Variants in CCNJL observed in about 807,000 individuals in gnomAD.
CCNJL encodes the protein cyclin-J-like protein.
A neutral mutation model predicts 33.4 loss-of-function variants in CCNJL; 33 were observed. The observed-to-expected ratio is 0.99, with a 90% CI of 0.75 to 1.32. CCNJL has a LOEUF of 1.32. CCNJL is among the 40% of genes most tolerant of loss of function. The pLI is 0.00. For synonymous variants in CCNJL, 227 were observed against 220.9 expected, an observed-to-expected ratio of 1.03 and a Z score of -0.24; for missense variants, 512 against 499.7, an observed-to-expected ratio of 1.02 and a Z score of -0.23.
intron 4 of CCNJL, among the ~76,000 whole-genome samples, chr5:160,258,825 T>C (rs961528657): frequency 6.6e-6 from 1 of 152,268 alleles, no homozygotes; most frequent in East Asian, 1.9e-4. Context: ...GCCTCCCAAA[T>C]AGCTGGGACT....
At chr5:160,298,930 G>A (rs950366392) in intron 2 of CCNJL, among the ~76,000 whole-genome samples, 1 of 152,092 alleles carries the variant, frequency 6.6e-6, no homozygotes, top group Non-Finnish European at 1.5e-5. Context: ...CAGGGTAGGG[G>A]ACCATTGGAG....
At chr5:160,295,902 C>T (rs1762737154) in intron 2 of CCNJL, among the ~76,000 whole-genome samples, 1 of 152,196 alleles carries the variant, frequency 6.6e-6, no homozygotes, top group African/African-American at 2.4e-5. Flanking sequence ...AATACACCCT[C>T]TATTTCCTGT....
chr5:160,329,104 A>G (rs1383686585), intron 1 of CCNJL, among the ~76,000 whole-genome samples: 1 of 152,144 alleles, frequency 6.6e-6, no homozygotes, highest in Non-Finnish European at 1.5e-5. Flanking sequence ...GGAAGCTAGG[A>G]GCCAAGCCAC....
chr5:160,328,760 G>A (rs1272521206), intron 1 of CCNJL, among the ~76,000 whole-genome samples: 2 of 151,268 alleles, frequency 1.3e-5, no homozygotes, highest in Non-Finnish European at 2.9e-5. Flanking sequence ...TGTGCCTGTA[G>A]TCCCAGCTAC....
At chr5:160,310,336 G>C (rs1763222206) in intron 2 of CCNJL, among the ~76,000 whole-genome samples, 1 of 152,160 alleles carries the variant, frequency 6.6e-6, no homozygotes, top group African/African-American at 2.4e-5. Context: ...CTCTGTTCTG[G>C]GAAGAAGACC....
Position 160,259,644 on chromosome 5 carries a change from C to T in CCNJL, c.408G>A (p.Glu136=), listed in dbSNP as rs1308992778. ...ELLSTELLLL[E]AFSWNLCLPT... ...GCAGGCAGAGGTTCCAGCTGAAGGC[C>T]TCCAGGAGCAGCAGCTCTGTGCTCA... The change falls in exon 4 of 6, where the codon GAG becomes GAA. Residue 136 remains glutamate (E), a synonymous_variant. Coordinates refer to ENST00000257536, the MANE Select transcript of CCNJL (RefSeq NM_001308173.3). 6.2e-7 allele frequency: 1 copy of T among 1,614,172 alleles called. No homozygotes were observed. The highest frequency in any genetic ancestry group is 1.1e-5 in the South Asian group (1 of 91,074).
intron 3 of CCNJL, among the ~76,000 whole-genome samples, chr5:160,260,266 G>A (rs1761262264): frequency 6.6e-6 from 1 of 152,142 alleles, no homozygotes; most frequent in African/African-American, 2.4e-5. Flanking sequence ...GCTCTTCAAT[G>A]GCTTCCCGCT....
At chr5:160,302,959 T>C (rs1203606979) in intron 2 of CCNJL, among the ~76,000 whole-genome samples, 2 of 152,112 alleles carry the variant, frequency 1.3e-5, no homozygotes, top group African/African-American at 4.8e-5. Context: ...GAAATTGGGG[T>C]CAGTGGTATC....
intron 2 of CCNJL, among the ~76,000 whole-genome samples, chr5:160,291,227 A>G (rs892667220): frequency 2.0e-5 from 3 of 152,150 alleles, no homozygotes; most frequent in East Asian, 1.9e-4. Context: ...TTTATGGAGA[A>G]GTGGAAGCTT....
Position 160,250,843 on chromosome 5 carries a change from CCTT to C in CCNJL, c.*2532_*2534del, listed in dbSNP as rs1486285342. 6.6e-6 allele frequency: 1 copy of C among 152,160 alleles called. No homozygotes were observed. The highest frequency in any genetic ancestry group is 1.5e-5 in the Non-Finnish European group (1 of 68,022). The allele number at this position is 152,160 out of a possible 1,614,324, so 9.4% of individuals were successfully genotyped here. ...GCTTGAAGAAATATAATAATTATCT[CCTT>C]TTTTGGAGGTACTGGCCTTGATGTA... On this transcript the variant is annotated 3_prime_UTR_variant, in exon 6 of 6. Transcript: ENST00000257536.
intron 2 of CCNJL, among the ~76,000 whole-genome samples, chr5:160,283,993 T>C (rs906584114): frequency 1.3e-5 from 2 of 152,216 alleles, no homozygotes; most frequent in African/African-American, 4.8e-5. Flanking sequence ...TGTGTATATG[T>C]AGCACATGTT....
chr5:160,293,703 G>C (rs1341500656), intron 2 of CCNJL, among the ~76,000 whole-genome samples: 1 of 152,114 alleles, frequency 6.6e-6, no homozygotes, highest in Admixed American at 6.5e-5. Flanking sequence ...CCTCCGAGGT[G>C]GAACCAGCAC....
chr5:160,304,550 G>A (rs1763030737), intron 2 of CCNJL, among the ~76,000 whole-genome samples: 1 of 124,448 alleles, frequency 8.0e-6, no homozygotes, highest in Admixed American at 7.9e-5. Flanking sequence ...GCCATTAGAG[G>A]AGGAAAGAGC....
chr5:160,275,085 G>GGTT (rs770612445), intron 3 of CCNJL, among the ~76,000 whole-genome samples: 18 of 113,066 alleles, frequency 1.6e-4, no homozygotes, highest in African/African-American at 4.3e-4. Flanking sequence ...GGATTTGTGT[G>GGTT]TTTTTTTTTT....
At chr5:160,335,734 AT>A (rs1362582507) in intron 1 of CCNJL, among the ~76,000 whole-genome samples, 35 of 134,254 alleles carry the variant, frequency 2.6e-4, no homozygotes, top group East Asian at 8.8e-4. Flanking sequence ...ATCATGTCTA[AT>A]TTTTTTTTTT....
chr5:160,290,882 C>A (rs929805609), intron 2 of CCNJL, among the ~76,000 whole-genome samples: 1 of 151,516 alleles, frequency 6.6e-6, no homozygotes, highest in African/African-American at 2.4e-5. Flanking sequence ...AAGCAATTCC[C>A]AGTACTCATG....
At chr5:160,323,430 G>A (rs910405664) in intron 1 of CCNJL, among the ~76,000 whole-genome samples, 5 of 152,076 alleles carry the variant, frequency 3.3e-5, no homozygotes, top group East Asian at 1.9e-4. Flanking sequence ...ATATTCTATC[G>A]TATAGGCAAT....
At chr5:160,299,936 G>A (rs562324059) in intron 2 of CCNJL, among the ~76,000 whole-genome samples, 5 of 151,860 alleles carry the variant, frequency 3.3e-5, no homozygotes, top group African/African-American at 1.2e-4. Flanking sequence ...ATGCATGGAC[G>A]GACCGCAGTG....
At chr5:160,273,393 G>A (rs1022299919) in intron 3 of CCNJL, among the ~76,000 whole-genome samples, 2 of 152,088 alleles carry the variant, frequency 1.3e-5, no homozygotes, top group Admixed American at 6.6e-5. Flanking sequence ...CTTGACCTTG[G>A]GAGCTCTAGA....
Sources: allele counts gnomAD v4.1 joint callset (sites outside exome capture counted in the v4.1 genomes callset), GRCh38; gene constraint gnomAD v4.1.1; transcripts MANE v1.5; gene names NCBI Gene and HGNC (gene_info 2026-07-23, HGNC 2026-07-21).